The following PPM1E variants were observed in gnomAD, a reference collection of about 807,000 sequenced individuals.
PPM1E encodes protein phosphatase, Mg2+/Mn2+ dependent 1E, also known as protein phosphatase 1E.
In PPM1E, 20 loss-of-function variants were observed where a neutral mutation model predicts 65.9. The observed-to-expected ratio is 0.30, with a 90% CI of 0.21 to 0.44. The LOEUF (loss-of-function observed/expected upper bound fraction) is 0.44, where lower values mean the gene tolerates loss of function less well. PPM1E is among the 20% of genes least tolerant of loss of function. PPM1E has a pLI of 1.00. For synonymous variants in PPM1E, 352 were observed against 374.9 expected (o/e 0.94, Z 0.70); for missense variants, 713 against 953.1 (o/e 0.75, Z 3.32).
chr17:58,933,081 T>C (rs2051924076), intron 1 of PPM1E, among the ~76,000 whole-genome samples: 1 of 152,222 alleles, frequency 6.6e-6, no homozygotes, highest in African/African-American at 2.4e-5. Context: ...CCTACGTGTG[T>C]AGTAGACTAT....
At chr17:58,887,247 C>T (rs111446404) in intron 1 of PPM1E, among the ~76,000 whole-genome samples, 1,987 of 150,470 alleles carry the variant, frequency 0.013, 23 homozygotes, top group Non-Finnish European at 0.023. Flanking sequence ...TCACTGCAAC[C>T]TCCACCTCCT....
intron 1 of PPM1E, among the ~76,000 whole-genome samples, chr17:58,831,531 T>C (rs2050606170): frequency 6.6e-6 from 1 of 152,206 alleles, no homozygotes. Context: ...GGTGCACTTG[T>C]TTGGTTGCAT....
intron 1 of PPM1E, among the ~76,000 whole-genome samples, chr17:58,935,853 G>C (rs985553562): frequency 2.6e-5 from 4 of 151,552 alleles, no homozygotes; most frequent in Admixed American, 2.0e-4. Flanking sequence ...TAAGTTTTAG[G>C]GTACATGTGC....
rs557297655 is a variant in PPM1E, at chr17:58,959,382, G to A, written c.583+3615G>A. On this transcript the variant is annotated intron_variant, in intron 2 of 6. Coordinates refer to ENST00000308249, the MANE Select transcript of PPM1E (RefSeq NM_014906.5). ...TGGGAGGCTGAGGCGGGCGGATACC[G>A]AGGTCAGGAGATCGAGACCATCCTG... 6.0e-3 allele frequency among the ~76,000 whole-genome samples: 894 copies of A among 148,904 alleles called. 7 individuals are homozygous for A. The highest frequency in any genetic ancestry group is 0.014 in the Middle Eastern group (4 of 276).
rs1199858615 is a variant in PPM1E, at chr17:58,805,982, AAACAAAAC to A, written c.464+49524_464+49531del. ...AAAACAAAAAAAAAAAACAAAAAAAAAACAAAACAAAACAAAACAAAAAAAAAACTATA... is the reference window on the plus strand; with the variant it reads ...AAAACAAAAAAAAAAAACAAAAAAAAAAAACAAAACAAAAAAAAAACTATA... On this transcript the variant is annotated intron_variant, in intron 1 of 6. Coordinates refer to ENST00000308249, the MANE Select transcript of PPM1E (RefSeq NM_014906.5). Among the ~76,000 whole-genome samples, 78 of 100,514 alleles carry A rather than the reference AAACAAAAC, an allele frequency of 7.8e-4. 3 individuals are homozygous for A. The highest frequency in any genetic ancestry group is 1.1e-3 in the African/African-American group (25 of 22,260). The allele number at this position is 100,514 out of a possible 152,430, so 65.9% of individuals were successfully genotyped here.
At chr17:58,775,787 G>A (rs542938217) in intron 1 of PPM1E, among the ~76,000 whole-genome samples, 207 of 150,358 alleles carry the variant, frequency 1.4e-3, no homozygotes, top group Non-Finnish European at 2.6e-3. Flanking sequence ...GGTGGCGGGC[G>A]CCTGTAGTCC....
At chr17:58,886,918 A>T (rs2143413848) in intron 1 of PPM1E, among the ~76,000 whole-genome samples, 1 of 152,206 alleles carries the variant, frequency 6.6e-6, no homozygotes, top group South Asian at 2.1e-4. Flanking sequence ...AGCATATGGG[A>T]ACTCTCTGTA....
intron 1 of PPM1E, among the ~76,000 whole-genome samples, chr17:58,805,985 CAAAACAAAACAAAACAAAAAAAA>C (rs1567838934): frequency 9.0e-5 from 7 of 77,478 alleles, no homozygotes; most frequent in Admixed American, 5.4e-4. Flanking sequence ...AAAAAAAAAA[CAAAACAAAACAAAACAAAAAAAA>C]AACTATATGT....
intron 1 of PPM1E, among the ~76,000 whole-genome samples, chr17:58,852,792 C>CG (rs1400864533): frequency 6.6e-6 from 1 of 151,830 alleles, no homozygotes; most frequent in Non-Finnish European, 1.5e-5. Flanking sequence ...TTATTAGAGA[C>CG]GGGGTTTCAC....
chr17:58,931,916 G>T (rs1330350519), intron 1 of PPM1E, among the ~76,000 whole-genome samples: 1 of 152,144 alleles, frequency 6.6e-6, no homozygotes, highest in Non-Finnish European at 1.5e-5. Flanking sequence ...TTCATGTGGG[G>T]CTTACTATTC....
rs573263455 is a variant in PPM1E at position 58,814,017 on chromosome 17, A to G, written c.464+57556A>G. Among the ~76,000 whole-genome samples the G allele has an allele frequency of 7.9e-5, 12 of 152,310 alleles. No individual in the cohort carries two copies. The South Asian group carries it at 2.1e-3, about 26-fold the overall frequency. ...AAGAAATAGTCCCCTAAATAATGTA[A>G]AATAATAATGTAATGGAAATGGAAT... On this transcript the variant is annotated intron_variant, in intron 1 of 6. Coordinates refer to ENST00000308249, the MANE Select transcript of PPM1E (RefSeq NM_014906.5).
rs559654308 is a variant in PPM1E, at chr17:58,839,783, G to A, written c.464+83322G>A. Among the ~76,000 whole-genome samples the A allele has an allele frequency of 3.3e-5, 5 of 152,304 alleles. No individual in the cohort carries two copies. The East Asian group carries it at 9.7e-4, about 29-fold the overall frequency. The stretch of plus-strand genomic sequence containing the variant: ...AATCAACAAGGGAGGAAGCTAGAAT[G>A]ACCCATGTGGTAATGGATTAACGTT... On this transcript the variant is annotated intron_variant, in intron 1 of 6. Coordinates refer to ENST00000308249, the MANE Select transcript of PPM1E (RefSeq NM_014906.5).
At chr17:58,837,260 T>TAAAAA (rs57058929) in intron 1 of PPM1E, among the ~76,000 whole-genome samples, 2 of 66,286 alleles carry the variant, frequency 3.0e-5, no homozygotes, top group African/African-American at 6.5e-5. Context: ...TTAAAAAAAT[T>TAAAAA]AAAAAAAAAA....
chr17:58,805,980 A>AAAAAAC (rs2050307581), intron 1 of PPM1E, among the ~76,000 whole-genome samples: 2 of 107,932 alleles, frequency 1.9e-5, no homozygotes, highest in African/African-American at 4.2e-5. Context: ...AAAACAAAAA[A>AAAAAAC]AAAACAAAAC....
chr17:58,829,636 CT>C, intron 1 of PPM1E, among the ~76,000 whole-genome samples: 1 of 152,110 alleles, frequency 6.6e-6, no homozygotes, highest in East Asian at 1.9e-4. Flanking sequence ...CCTGATGCTT[CT>C]TTTTCATCAG....
intron 1 of PPM1E, among the ~76,000 whole-genome samples, chr17:58,897,153 G>A (rs944625795): frequency 7.9e-5 from 12 of 152,196 alleles, no homozygotes; most frequent in South Asian, 2.1e-4. Context: ...GGTGGCTCAC[G>A]CCTGTAATCC....
chr17:58,805,971 A>C (rs1432929249), intron 1 of PPM1E, among the ~76,000 whole-genome samples: 2 of 118,980 alleles, frequency 1.7e-5, no homozygotes, highest in Non-Finnish European at 3.4e-5. Context: ...CAAAAAAAAA[A>C]AACAAAAAAA....
At chr17:58,794,922 T>A (rs1397221733) in intron 1 of PPM1E, among the ~76,000 whole-genome samples, 4 of 146,694 alleles carry the variant, frequency 2.7e-5, no homozygotes, top group African/African-American at 1.0e-4. Context: ...AGAGTCTTGC[T>A]CTGTCACCCA....
intron 1 of PPM1E, among the ~76,000 whole-genome samples, chr17:58,908,904 GTTAT>G (rs1375910369): frequency 2.0e-5 from 3 of 151,988 alleles, no homozygotes; most frequent in South Asian, 2.1e-4. Flanking sequence ...TATCATTGCT[GTTAT>G]TTATTTTACC....
Sources: gnomAD v4.1 joint callset for allele counts (sites outside exome capture counted in the v4.1 genomes callset) on GRCh38, gnomAD v4.1.1 for gene constraint, MANE v1.5 for transcripts, NCBI Gene and HGNC (gene_info 2026-07-23, HGNC 2026-07-21) for gene names.